Variants in HERPUD1 observed in about 807,000 individuals in gnomAD.
The protein encoded by HERPUD1 is homocysteine-responsive endoplasmic reticulum-resident ubiquitin-like domain member 1 protein.
In HERPUD1, 17 loss-of-function variants were observed where a neutral mutation model predicts 45.0. The ratio of observed to expected loss-of-function variants is 0.38; its 90% CI spans 0.26 to 0.57. HERPUD1 has a LOEUF of 0.57. Among genes scored for constraint, HERPUD1 ranks in the 20% least tolerant of loss-of-function variants. The pLI is 0.72. For synonymous variants in HERPUD1, 164 were observed against 177.5 expected (o/e 0.92, Z 0.61); for missense variants, 420 against 490.5 (o/e 0.86, Z 1.36).
intron 4 of HERPUD1, chr16:56,937,038 T>A: frequency 2.8e-6 from 1 of 353,994 alleles, no homozygotes; most frequent in Middle Eastern, 7.8e-4. Flanking sequence ...AATGCATATA[T>A]TGAAAAAAAA....
chr16:56,940,220 A>T lies in HERPUD1; in HGVS notation c.880A>T (p.Met294Leu). The change falls in exon 6 of 8, where the codon ATG becomes TTG. Residue 294 changes from methionine to leucine, a missense_variant. By Grantham distance (15) the Met-to-Leu change is conservative (BLOSUM62 2). Transcript: ENST00000439977. ...CTCCCTGAGCAGATTCCTCATGGTC[A>T]TGGGGGCCACCGTTGTTATGTACCT... is the stretch of plus-strand genomic sequence containing the variant. ...YSSLSRFLMVMGATVVMYLHH... is the reference protein window; with the variant it reads ...YSSLSRFLMVLGATVVMYLHH... The T allele has an allele frequency of 6.2e-7, 1 of 1,613,332 alleles. No individual in the cohort carries two copies. The highest frequency in any genetic ancestry group is 1.7e-5 in the Admixed American group (1 of 60,008).
intron 5 of HERPUD1, 23 bp downstream of exon 5, chr16:56,939,382 G>C (rs139433590): frequency 2.4e-4 from 380 of 1,613,616 alleles, no homozygotes; most frequent in Non-Finnish European, 3.1e-4. Context: ...CGCCATGCTG[G>C]GTGTGGCCAG....
intron 6 of HERPUD1, 48 bp from the exon 7 acceptor site, chr16:56,942,084 C>G: frequency 1.4e-6 from 2 of 1,463,460 alleles, no homozygotes; most frequent in South Asian, 2.3e-5. Flanking sequence ...TTGAGTAAGT[C>G]TCACTGTGAC....
rs1283672664 is a variant in HERPUD1, at chr16:56,932,153, G to A, written c.-92G>A. ...AAGCGGGGGCGCGCGCCCCAGAGAC[G>A]TGAACTGTCGTTGCAGAGATTGCGG... On this transcript the variant is annotated 5_prime_UTR_variant, in exon 1 of 8. It adds an upstream start codon to the 5' untranslated region. Transcript: ENST00000439977. 4 of 1,548,230 alleles carry A rather than the reference G, an allele frequency of 2.6e-6. No individual in the cohort carries two copies. The highest frequency in any genetic ancestry group is 2.3e-5 in the South Asian group (2 of 85,398).
At chr16:56,933,833 G>A (rs530325764) in intron 1 of HERPUD1, among the ~76,000 whole-genome samples, 185 of 152,290 alleles carry the variant, frequency 1.2e-3, no homozygotes, top group African/African-American at 4.3e-3. Context: ...ACCACTGGCA[G>A]CTGTGGTTTT....
rs1375915793 is a variant in HERPUD1, at chr16:56,944,442, T to C, written c.*1152T>C. ...CTTTAAGTACTACTGTGGTAACTAA[T>C]CATTTTTTTGTTTTTTTTGGTGGTG... On this transcript the variant is annotated 3_prime_UTR_variant, in exon 8 of 8. Transcript: ENST00000439977. The C allele has an allele frequency of 2.0e-5, 3 of 152,100 alleles. No homozygotes were observed. Among genetic ancestry groups the C allele is most frequent in the African/African-American group, 7.2e-5 (3 of 41,388 alleles). 9.4% of individuals were successfully genotyped at this position (152,100 alleles called of 1,614,324 possible). A position where few individuals can be genotyped will look rare whatever the true frequency, so the allele number is the denominator to read the frequency against.
chr16:56,935,656 G>A (rs1416642740), intron 3 of HERPUD1, 181 bp downstream of exon 3: 5 of 610,524 alleles, frequency 8.2e-6, no homozygotes, highest in African/African-American at 3.7e-5. Flanking sequence ...GTTAATAGTA[G>A]CAGATTGTTC....
intron 5 of HERPUD1, 124 bp from the exon 6 acceptor site, chr16:56,939,771 G>GA: frequency 9.8e-6 from 7 of 717,198 alleles, no homozygotes; most frequent in Non-Finnish European, 1.6e-5. Context: ...CTAAATTGAA[G>GA]AAAAATCAAA....
At chr16:56,938,358 T>C (rs1484125726) in intron 4 of HERPUD1, among the ~76,000 whole-genome samples, 1 of 151,932 alleles carries the variant, frequency 6.6e-6, no homozygotes, top group African/African-American at 2.4e-5. Flanking sequence ...GGTCAGGAGA[T>C]TGAGACCATC....
chr16:56,939,874 CCT>C lies in HERPUD1; in HGVS notation c.555-18_555-17del, dbSNP rs754665852. ...GGTGCTTTGGTCTCAACAGTATCTG[CCT>C]CTGTCGTTTTTATTTTAGTTTAGCA... On this transcript the variant is annotated intron_variant, in intron 5 of 7. Coordinates refer to ENST00000439977, the MANE Select transcript of HERPUD1 (RefSeq NM_014685.4). The C allele has an allele frequency of 5.0e-6, 8 of 1,588,800 alleles. 1 individual carries two copies. In the South Asian group the frequency reaches 8.9e-5, roughly 18 times the overall value.
chr16:56,939,902 G>C lies in HERPUD1; in HGVS notation c.562G>C (p.Ala188Pro). 1 of 1,608,110 alleles carries C rather than the reference G, an allele frequency of 6.2e-7. No homozygotes were observed. ...CTGTCGTTTTTATTTTAGTTTAGCA[G>C]CCACTGCTGCATCAGGGGCTTTTGT... ...ARQYYMQYLAATAASGAFVPP... is the reference protein window; with the variant it reads ...ARQYYMQYLAPTAASGAFVPP... The change falls in exon 6 of 8, where the codon GCC becomes CCC. Residue 188 changes from alanine (A) to proline (P), a missense_variant. Ala to Pro is a conservative substitution (Grantham distance 27). Transcript: ENST00000439977.
Position 56,932,189 on chromosome 16 carries a change from C to G in HERPUD1, c.-56C>G. On this transcript the variant is annotated 5_prime_UTR_variant, in exon 1 of 8. Transcript: ENST00000439977. ...TTGCAGAGATTGCGGGCGGCTGAGACGCCGCCTGCCTGGCACCTAGGAGCG... is the reference window on the plus strand; with the variant it reads ...TTGCAGAGATTGCGGGCGGCTGAGAGGCCGCCTGCCTGGCACCTAGGAGCG... 1 of 1,583,680 alleles carries G rather than the reference C, an allele frequency of 6.3e-7. No homozygotes were observed.
At chr16:56,933,384 C>G (rs1222648957) in intron 1 of HERPUD1, 6 of 454,544 alleles carry the variant, frequency 1.3e-5, no homozygotes, top group Non-Finnish European at 2.7e-5. Flanking sequence ...ATTCCATGTC[C>G]TCTAGAATTC....
At chr16:56,939,481 C>G (rs1596981181) in intron 5 of HERPUD1, 122 bp downstream of exon 5, 1 of 1,270,602 alleles carries the variant, frequency 7.9e-7, no homozygotes, top group East Asian at 2.3e-5. Context: ...TCTGCAGAGC[C>G]CTGCTCTGTT....
rs772797776 is a variant in HERPUD1, at chr16:56,942,139, G to A, written c.913G>A (p.Val305Ile). 5.0e-6 allele frequency: 8 copies of A among 1,613,476 alleles called. No individual in the cohort carries two copies. Among genetic ancestry groups the A allele is most frequent in the African/African-American group, 2.7e-5 (2 of 74,900 alleles). The change falls in exon 7 of 8, where the codon GTT (valine) becomes ATT (isoleucine). Residue 305 changes from valine to isoleucine, a missense_variant. Physicochemically the swap from Val to Ile is conservative, Grantham distance 29. Coordinates refer to ENST00000439977, the MANE Select transcript of HERPUD1 (RefSeq NM_014685.4). ...GATVVMYLHH[V>I]GWFPFRPRPV... is the part of the protein sequence containing the mutation. ...TATGTGCTTCCTTTGAAGGCATCAC[G>A]TTGGGTGGTTTCCATTTAGACCGAG...
intron 6 of HERPUD1, chr16:56,941,166 G>T (rs896693899): frequency 1.3e-5 from 2 of 152,102 alleles, no homozygotes; most frequent in Non-Finnish European, 2.9e-5. Context: ...TATTTGTTTT[G>T]AATGAGAACA....
At chr16:56,938,884 G>A (rs1250740248) in intron 4 of HERPUD1, among the ~76,000 whole-genome samples, 2 of 152,162 alleles carry the variant, frequency 1.3e-5, no homozygotes, top group African/African-American at 4.8e-5. Context: ...CTTTTGAGCT[G>A]CTCTCTAAAA....
rs2055924835 is a variant in HERPUD1, at chr16:56,943,200, C to T, written c.1086C>T (p.Thr362=). The T allele has an allele frequency of 6.2e-7, 1 of 1,614,184 alleles. No homozygotes were observed. The highest frequency in any genetic ancestry group is 1.3e-5 in the African/African-American group (1 of 75,042). ...GGGATGTACTAGATGGCGAGCAGAC[C>T]AGCCCCTCCTTTATGAGCACAGCAT... ...PDRDVLDGEQ[T]SPSFMSTAWL... is the part of the protein sequence containing the mutation. The change falls in exon 8 of 8, where the codon ACC becomes ACT. Residue 362 remains threonine (T), a synonymous_variant. Coordinates refer to ENST00000439977, the MANE Select transcript of HERPUD1 (RefSeq NM_014685.4).
In HERPUD1 at chr16:56,942,253, C is replaced by A. The variant is rs8058509; in HGVS notation, c.1011+16C>A. 6.3e-7 allele frequency: 1 copy of A among 1,575,988 alleles called. No individual in the cohort carries two copies. Among genetic ancestry groups the A allele is most frequent in the East Asian group, 2.2e-5 (1 of 44,678 alleles). ...TAACTTACAGGTATGGAGCCTCCCA[C>A]GAAGCCCAGGCGAGCTTGACGTGAT... On this transcript the variant is annotated intron_variant, in intron 7 of 7. Transcript: ENST00000439977.
Sources: allele counts gnomAD v4.1 joint callset (sites outside exome capture counted in the v4.1 genomes callset), GRCh38; gene constraint gnomAD v4.1.1; transcripts MANE v1.5; gene names NCBI Gene and HGNC (gene_info 2026-07-23, HGNC 2026-07-21).